GATAD1: variants seen among roughly 807,000 people sequenced by gnomAD.
GATAD1 encodes the protein GATA zinc finger domain containing 1, also known as GATA zinc finger domain-containing protein 1.
Under a neutral mutation model 26.5 loss-of-function variants are expected in GATAD1, and 12 were observed. That is an observed-to-expected ratio of 0.45 (90% CI 0.29 to 0.73). The LOEUF is 0.73. GATAD1 is among the 30% of genes least tolerant of loss of function. The pLI, the probability that GATAD1 is intolerant of heterozygous loss-of-function variation, is 0.10. For missense variants in GATAD1, 266 were observed against 342.1 expected (o/e 0.78, Z 1.75); for synonymous variants, 129 against 133.1 (o/e 0.97, Z 0.21).
chr7:92,478,396 G>C, the GATAD1 span, among the ~76,000 whole-genome samples: 1 of 152,206 alleles, frequency 6.6e-6, no homozygotes, highest in Non-Finnish European at 1.5e-5. Context: ...GATGTTGAAT[G>C]AATTCATCTA....
At chr7:92,465,300 T>G in the GATAD1 span, 1 of 152,244 alleles carries the variant, frequency 6.6e-6, no homozygotes, top group African/African-American at 2.4e-5. Flanking sequence ...TTACATAGTT[T>G]CATTTTCTTT....
At chr7:92,454,018 C>T (rs1446230073) in intron 3 of GATAD1, 2 of 177,688 alleles carry the variant, frequency 1.1e-5, no homozygotes, top group Admixed American at 6.4e-5. Flanking sequence ...CTAATGTGAA[C>T]TCTGGTCTTT....
rs997627738 is a variant in GATAD1, at chr7:92,457,770, G to A, written c.*1208G>A. 2 of 152,210 alleles carry A rather than the reference G, an allele frequency of 1.3e-5. No homozygotes were observed. The highest frequency in any genetic ancestry group is 6.5e-5 in the Admixed American group (1 of 15,282). The allele number at this position is 152,210 out of a possible 1,614,324, so 9.4% of individuals were successfully genotyped here. On this transcript the variant is annotated 3_prime_UTR_variant, in exon 5 of 5. Transcript: ENST00000287957. ...CTTATGTTCTCATCTCAAAAATGCT[G>A]TGACAGCTTTTTGGCTGCTTTAACC...
In GATAD1 at chr7:92,456,466, C is replaced by T; in HGVS notation, c.714C>T (p.Pro238=). The T allele has an allele frequency of 6.2e-7, 1 of 1,611,710 alleles. No individual in the cohort carries two copies. The highest frequency in any genetic ancestry group is 8.5e-7 in the Non-Finnish European group (1 of 1,177,828). The change falls in exon 5 of 5, where the codon CCC becomes CCT. Residue 238 remains proline, a synonymous_variant. Transcript: ENST00000287957. The part of the protein sequence containing the change: ...EYFKSRSSPF[P]TVPTRPEKGY... Reference sequence around the variant, plus strand: ...TCAAGTCACGGTCATCACCATTTCCCACAGTTCCCACCAGACCAGAGAAGG... The same window carrying T: ...TCAAGTCACGGTCATCACCATTTCCTACAGTTCCCACCAGACCAGAGAAGG...
chr7:92,464,448 T>C (rs1221599000), downstream of GATAD1, among the ~76,000 whole-genome samples: 1 of 152,218 alleles, frequency 6.6e-6, no homozygotes, highest in Admixed American at 6.5e-5. Context: ...GCCATATTTT[T>C]GTGGGTTTCT....
the GATAD1 span, among the ~76,000 whole-genome samples, chr7:92,467,792 TA>T: frequency 6.6e-6 from 1 of 152,188 alleles, no homozygotes. Context: ...ATTTGGGCTG[TA>T]ATAGAAGCCC....
the GATAD1 span, chr7:92,494,408 A>T: frequency 2.6e-4 from 419 of 1,613,556 alleles, 1 homozygote; most frequent in Non-Finnish European, 3.3e-4. Flanking sequence ...TAGAGGAAAA[A>T]AGAACATTTT....
chr7:92,459,109 TAGTCTACTCGG>T lies in GATAD1; in HGVS notation c.*2548_*2558del, dbSNP rs1562823775. On this transcript the variant is annotated 3_prime_UTR_variant, in exon 5 of 5. Transcript: ENST00000287957. The stretch of plus-strand genomic sequence containing the variant: ...GGTGGCGTGCGCCTATAATCCCAGC[TAGTCTACTCGG>T]GAGGCTGAGGCAGGAGAATCGCTGG... 6.6e-6 allele frequency: 1 copy of T among 151,614 alleles called. No homozygotes were observed. Among genetic ancestry groups the T allele is most frequent in the African/African-American group, 2.4e-5 (1 of 41,168 alleles). The allele number at this position is 151,614 out of a possible 1,614,324, so 9.4% of individuals were successfully genotyped here. A position where few individuals can be genotyped will look rare whatever the true frequency, so the allele number is the denominator to read the frequency against.
chr7:92,476,516 A>G, the GATAD1 span, among the ~76,000 whole-genome samples: 2 of 152,310 alleles, frequency 1.3e-5, no homozygotes, highest in East Asian at 3.9e-4. Flanking sequence ...TATCAAGTAC[A>G]GGTTTTAAAT....
At position 92,456,364 on chromosome 7, in the gene GATAD1, C is replaced by T; in HGVS notation, c.620-8C>T. ...ATGTATTTAACCTTTCCCTTGGCTG[C>T]CTTCCAGGGCCAGAGGAAGATCTTC... On this transcript the variant is annotated splice_region_variant and splice_polypyrimidine_tract_variant and intron_variant, in intron 4 of 4. Coordinates refer to ENST00000287957, the MANE Select transcript of GATAD1 (RefSeq NM_021167.5). 1 of 1,583,342 alleles carries T rather than the reference C, an allele frequency of 6.3e-7. No individual in the cohort carries two copies. Among genetic ancestry groups the T allele is most frequent in the Non-Finnish European group, 8.6e-7 (1 of 1,158,302 alleles).
At chr7:92,449,021 G>A in intron 2 of GATAD1, 144 bp downstream of exon 2, 1 of 1,060,698 alleles carries the variant, frequency 9.4e-7, no homozygotes, top group Non-Finnish European at 1.4e-6. Context: ...TTCCCCAAAA[G>A]GGAATGAGCT....
the GATAD1 span, chr7:92,489,444 G>T: frequency 6.2e-7 from 1 of 1,607,600 alleles, no homozygotes; most frequent in South Asian, 1.1e-5. Flanking sequence ...AAAAGAAATT[G>T]ACGAAGAGTT....
rs1227573993 is a variant in GATAD1 at position 92,448,880 on chromosome 7, A to G, written c.375+3A>G. On this transcript the variant is annotated splice_donor_region_variant and intron_variant, in intron 2 of 4. Transcript: ENST00000287957. ...GACATATATTTAAATTGAAAAATGTAAGATATTTGTGGACAGTGCCTTTTA... is the reference window on the plus strand; with the variant it reads ...GACATATATTTAAATTGAAAAATGTGAGATATTTGTGGACAGTGCCTTTTA... 1.1e-5 allele frequency: 18 copies of G among 1,611,240 alleles called. No homozygotes were observed. The Admixed American group carries it at 3.0e-4, about 27-fold the overall frequency.
At chr7:92,448,645 C>A in intron 1 of GATAD1, 107 bp from the exon 2 acceptor site, 2 of 836,294 alleles carry the variant, frequency 2.4e-6, no homozygotes, top group South Asian at 1.6e-5. Flanking sequence ...TTGTTAAATG[C>A]TCTTATAAAG....
the GATAD1 span, among the ~76,000 whole-genome samples, chr7:92,467,285 C>T: frequency 6.6e-6 from 1 of 151,782 alleles, no homozygotes; most frequent in Admixed American, 6.6e-5. Flanking sequence ...TGCACTCCAG[C>T]CTGGAAACAA....
At chr7:92,485,062 G>T in the GATAD1 span, among the ~76,000 whole-genome samples, 1 of 152,114 alleles carries the variant, frequency 6.6e-6, no homozygotes, top group Non-Finnish European at 1.5e-5. Flanking sequence ...GTGCTCAGTG[G>T]GGGAGGTTTT....
the GATAD1 span, among the ~76,000 whole-genome samples, chr7:92,479,399 A>G: frequency 1.3e-5 from 2 of 152,048 alleles, no homozygotes; most frequent in Non-Finnish European, 2.9e-5. Context: ...GAGCCAGGAG[A>G]AGGAATTTCC....
chr7:92,467,486 A>G, the GATAD1 span, among the ~76,000 whole-genome samples: 4 of 152,208 alleles, frequency 2.6e-5, no homozygotes, highest in African/African-American at 7.2e-5. Flanking sequence ...CCCATCCTAA[A>G]TTTGGAAGAG....
chr7:92,493,166 A>T, the GATAD1 span: 3 of 1,131,022 alleles, frequency 2.7e-6, no homozygotes, highest in Non-Finnish European at 2.6e-6. Context: ...AATAAAAAAT[A>T]AAATTAAAAA....
Sources: gnomAD v4.1 joint callset for allele counts (sites outside exome capture counted in the v4.1 genomes callset) on GRCh38, gnomAD v4.1.1 for gene constraint, MANE v1.5 for transcripts, NCBI Gene and HGNC (gene_info 2026-07-23, HGNC 2026-07-21) for gene names.